CEP57L1: variants seen among roughly 807,000 people sequenced by gnomAD.
CEP57L1 encodes centrosomal protein 57 like 1, also known as centrosomal protein CEP57L1.
Under a neutral mutation model 61.0 loss-of-function variants are expected in CEP57L1, and 37 were observed. That is an observed-to-expected ratio of 0.61 (90% confidence interval 0.47 to 0.80). The LOEUF is 0.80. CEP57L1 is among the 30% of genes least tolerant of loss of function. The pLI, the probability that CEP57L1 is intolerant of heterozygous loss-of-function variation, is 0.00. For missense variants in CEP57L1, 422 were observed against 524.7 expected, an observed-to-expected ratio of 0.80 and a Z score of 1.91; for synonymous variants, 137 against 162.3, an observed-to-expected ratio of 0.84 and a Z score of 1.19.
intron 10 of CEP57L1, among the ~76,000 whole-genome samples, chr6:109,161,343 A>G (rs1353997415): frequency 6.6e-6 from 1 of 152,160 alleles, no homozygotes; most frequent in South Asian, 2.1e-4. Context: ...TTCCAAGACA[A>G]TGACTCCGTA....
chr6:109,121,679 G>A (rs1387355799), intron 1 of CEP57L1, among the ~76,000 whole-genome samples: 2 of 152,114 alleles, frequency 1.3e-5, no homozygotes, highest in African/African-American at 2.4e-5. Flanking sequence ...CAAAATCCCA[G>A]AGTGTGGAAG....
chr6:109,159,082 C>T lies in CEP57L1; in HGVS notation c.802C>T (p.Leu268=). The change falls in exon 8 of 11, where the codon CTG becomes TTG. Residue 268 remains leucine (L), a synonymous_variant. Transcript: ENST00000517392. ...PWQICSKFGA[L]PFVAEKMRQH... The stretch of plus-strand genomic sequence containing the variant: ...GCAAATTTGTTCAAAGTTTGGAGCA[C>T]TGCCTTTTGTGGCTGAAAAGGTGAG... 6.2e-7 allele frequency: 1 copy of T among 1,613,950 alleles called. No homozygotes were observed. Among genetic ancestry groups the T allele is most frequent in the Non-Finnish European group, 8.5e-7 (1 of 1,179,932 alleles).
chr6:109,158,550 G>C, intron 7 of CEP57L1: 1 of 433,434 alleles, frequency 2.3e-6, no homozygotes. Context: ...AAGCTGCTAT[G>C]AACATTTGTG....
Position 109,168,906 on chromosome 6 carries a change from A to T in CEP57L1, c.*5936A>T, listed in dbSNP as rs1774272695. On this transcript the variant is annotated 3_prime_UTR_variant, in exon 11 of 11. Coordinates refer to ENST00000517392, the MANE Select transcript of CEP57L1 (RefSeq NM_001271852.3). ...CCACCATGCCTGGCCAGCATTTTTT[A>T]AATGATATAAAATAGTATTGAAAAT... is the stretch of plus-strand genomic sequence containing the variant. Among the ~76,000 whole-genome samples the T allele has an allele frequency of 6.7e-6, 1 of 148,562 alleles. No individual in the cohort carries two copies. The highest frequency in any genetic ancestry group is 6.8e-5 in the Admixed American group (1 of 14,790).
intron 1 of CEP57L1, among the ~76,000 whole-genome samples, chr6:109,138,792 C>G (rs918212694): frequency 5.3e-5 from 8 of 152,150 alleles, no homozygotes; most frequent in African/African-American, 1.9e-4. Context: ...CAATAGTCCC[C>G]CCTTGTCCAT....
rs1774075679 is a variant in CEP57L1 at position 109,165,980 on chromosome 6, A to C, written c.*3010A>C. 6.6e-6 allele frequency: 1 copy of C among 152,234 alleles called. No homozygotes were observed. Among genetic ancestry groups the C allele is most frequent in the Admixed American group, 6.5e-5 (1 of 15,276 alleles). 9.4% of individuals were successfully genotyped at this position (152,234 alleles called of 1,614,324 possible). A position where few individuals can be genotyped will look rare whatever the true frequency, so the allele number is the denominator to read the frequency against. ...TGAAATAATGGAATTGGAATTTTCT[A>C]GCCAAGGCAGGTCTCAATTTTGATG... On this transcript the variant is annotated 3_prime_UTR_variant, in exon 11 of 11. Transcript: ENST00000517392.
intron 1 of CEP57L1, among the ~76,000 whole-genome samples, chr6:109,099,817 G>A (rs1341160998): frequency 4.6e-5 from 7 of 152,144 alleles, no homozygotes; most frequent in African/African-American, 1.4e-4. Context: ...CAAAGTGCTG[G>A]GATTACAGGC....
At chr6:109,158,008 C>T (rs1450898952) in intron 7 of CEP57L1, 1 of 152,312 alleles carries the variant, frequency 6.6e-6, no homozygotes, top group Non-Finnish European at 1.5e-5. Context: ...CTAATCTGTT[C>T]ACCATCTGTG....
In CEP57L1 at chr6:109,158,565, G is replaced by T. The variant is rs762437210; in HGVS notation, c.745-460G>T. The stretch of plus-strand genomic sequence containing the variant: ...AAGCTGCTATGAACATTTGTGTACA[G>T]GTTTTTATGTGAACATAAGTTTTCA... On this transcript the variant is annotated intron_variant, in intron 7 of 10. Transcript: ENST00000517392. 10 of 450,842 alleles carry T rather than the reference G, an allele frequency of 2.2e-5. 1 individual carries two copies. The highest frequency in any genetic ancestry group is 1.6e-4 in the South Asian group (10 of 63,028). 27.9% of individuals were successfully genotyped at this position (450,842 alleles called of 1,614,324 possible).
intron 1 of CEP57L1, chr6:109,140,526 A>AG (rs1209806461): frequency 2.0e-5 from 3 of 150,786 alleles, no homozygotes. Flanking sequence ...CAGCCACCCG[A>AG]GTAGCTGGGT....
At chr6:109,123,916 C>T (rs1162452400) in intron 1 of CEP57L1, among the ~76,000 whole-genome samples, 1 of 151,956 alleles carries the variant, frequency 6.6e-6, no homozygotes, top group Non-Finnish European at 1.5e-5. Flanking sequence ...TAAAAAAATA[C>T]AAAAATTAGC....
chr6:109,153,315 T>G (rs749690931), intron 4 of CEP57L1, among the ~76,000 whole-genome samples: 3 of 147,786 alleles, frequency 2.0e-5, no homozygotes, highest in Non-Finnish European at 4.5e-5. Context: ...AGTCACTGCT[T>G]ACCATAACCT....
At chr6:109,148,541 C>T (rs1390871185) in intron 3 of CEP57L1, among the ~76,000 whole-genome samples, 1 of 152,068 alleles carries the variant, frequency 6.6e-6, no homozygotes, top group Non-Finnish European at 1.5e-5. Flanking sequence ...GGGTAGGTTC[C>T]AAGTCTTTGC....
At position 109,153,836 on chromosome 6, in the gene CEP57L1, CAGCTTCAG is replaced by C. The variant is rs767193756; in HGVS notation, c.469_476del (p.Leu157GlyfsTer14). On this transcript the variant is annotated frameshift_variant, in exon 5 of 11. Coordinates refer to ENST00000517392, the MANE Select transcript of CEP57L1 (RefSeq NM_001271852.3). LOFTEE classifies it high-confidence loss of function. Reference sequence around the variant, plus strand: ...ATTTTATTTTTATCCTTTCTAGGCCCAGCTTCAGAGGGAAAAAGAACAAGATCAGATGA... The same window carrying C: ...ATTTTATTTTTATCCTTTCTAGGCCCAGGGAAAAAGAACAAGATCAGATGA... 1.2e-6 allele frequency: 2 copies of C among 1,602,972 alleles called. No homozygotes were observed. The highest frequency in any genetic ancestry group is 1.7e-6 in the Non-Finnish European group (2 of 1,172,466).
intron 2 of CEP57L1, 83 bp downstream of exon 2, chr6:109,145,464 C>T: frequency 1.1e-6 from 1 of 913,444 alleles, no homozygotes; most frequent in Non-Finnish European, 1.6e-6. Flanking sequence ...AATATGATTG[C>T]ATATTTAATC....
At chr6:109,110,963 G>A (rs1379208097) in intron 1 of CEP57L1, among the ~76,000 whole-genome samples, 2 of 152,190 alleles carry the variant, frequency 1.3e-5, no homozygotes, top group Admixed American at 6.5e-5. Context: ...GTAACATGAT[G>A]CCTCCAGCTT....
intron 7 of CEP57L1, chr6:109,157,489 G>A (rs886423407): frequency 6.6e-6 from 1 of 152,200 alleles, no homozygotes; most frequent in Non-Finnish European, 1.5e-5. Context: ...GTGGTGCTGT[G>A]TAGACAAAGG....
intron 1 of CEP57L1, among the ~76,000 whole-genome samples, chr6:109,140,893 C>T (rs1485941357): frequency 1.3e-5 from 2 of 151,844 alleles, no homozygotes; most frequent in Non-Finnish European, 2.9e-5. Context: ...TGCAGCGGTG[C>T]GATCTCGGCT....
intron 7 of CEP57L1, 147 bp from the exon 8 acceptor site, chr6:109,158,878 C>CA: frequency 1.4e-6 from 1 of 699,782 alleles, no homozygotes; most frequent in Non-Finnish European, 2.4e-6. Context: ...GTTTGTCATA[C>CA]GTATGTCTAT....
Sources: allele counts gnomAD v4.1 joint callset (sites outside exome capture counted in the v4.1 genomes callset), GRCh38; gene constraint gnomAD v4.1.1; transcripts MANE v1.5; gene names NCBI Gene and HGNC (gene_info 2026-07-23, HGNC 2026-07-21).